The following POFUT3 variants were observed in gnomAD, a reference collection of about 807,000 sequenced individuals.
POFUT3 encodes GDP-fucose protein O-fucosyltransferase 3.
At chr8:33,327,758 G>A in the POFUT3 span, among the ~76,000 whole-genome samples, 2 of 152,220 alleles carry the variant, frequency 1.3e-5, no homozygotes, top group African/African-American at 4.8e-5. Flanking sequence ...TTTTGCAGAT[G>A]AAGCACATTT....
chr8:33,353,814 C>T, the POFUT3 span, among the ~76,000 whole-genome samples: 5 of 152,184 alleles, frequency 3.3e-5, no homozygotes, highest in Admixed American at 6.5e-5. Context: ...TCTCCTGATT[C>T]TGTCCCAAAA....
chr8:33,309,671 A>G, the POFUT3 span, among the ~76,000 whole-genome samples: 5 of 152,116 alleles, frequency 3.3e-5, no homozygotes, highest in East Asian at 1.9e-4. Context: ...ATCATCATCA[A>G]TTGTTCCCAG....
At chr8:33,455,898 A>C in the POFUT3 span, 2 of 375,426 alleles carry the variant, frequency 5.3e-6, no homozygotes, top group Non-Finnish European at 1.0e-5. Flanking sequence ...TCCAAGGCCA[A>C]AAAAGAAAAA....
At chr8:33,420,206 CTG>C in the POFUT3 span, among the ~76,000 whole-genome samples, 12 of 151,960 alleles carry the variant, frequency 7.9e-5, 1 homozygote, top group Admixed American at 6.6e-5. Flanking sequence ...TAATGGAACA[CTG>C]TTAAAATAAA....
At chr8:33,420,029 G>T in the POFUT3 span, among the ~76,000 whole-genome samples, 1 of 152,114 alleles carries the variant, frequency 6.6e-6, no homozygotes, top group Non-Finnish European at 1.5e-5. Flanking sequence ...TCTCGAGGCT[G>T]AGGTGGGAGG....
chr8:33,425,384 A>G, the POFUT3 span, among the ~76,000 whole-genome samples: 4 of 152,156 alleles, frequency 2.6e-5, no homozygotes, highest in Non-Finnish European at 5.9e-5. Flanking sequence ...ATGAGAGCCT[A>G]TAATACAGAA....
At chr8:33,406,845 C>T in the POFUT3 span, among the ~76,000 whole-genome samples, 15 of 152,232 alleles carry the variant, frequency 9.9e-5, no homozygotes, top group African/African-American at 3.1e-4. Context: ...CAGGCATGAG[C>T]CACTGTCCCT....
the POFUT3 span, among the ~76,000 whole-genome samples, chr8:33,341,939 T>A: frequency 6.6e-6 from 1 of 152,196 alleles, no homozygotes; most frequent in South Asian, 2.1e-4. Context: ...ATGCCTGTAA[T>A]CCCAGCATTT....
the POFUT3 span, among the ~76,000 whole-genome samples, chr8:33,411,279 C>T: frequency 2.2e-3 from 335 of 152,258 alleles, 2 homozygotes; most frequent in Non-Finnish European, 3.7e-3. Context: ...ACGCTGAAGT[C>T]GTTTTAATCC....
the POFUT3 span, among the ~76,000 whole-genome samples, chr8:33,329,443 A>G: frequency 0.27 from 40,497 of 152,148 alleles, 5,811 homozygotes; most frequent in South Asian, 0.5. Context: ...TGTTACCTTT[A>G]TGCAGGAGCT....
At chr8:33,325,201 T>C in the POFUT3 span, among the ~76,000 whole-genome samples, 1 of 152,138 alleles carries the variant, frequency 6.6e-6, no homozygotes, top group South Asian at 2.1e-4. Flanking sequence ...ACTACCACAC[T>C]TTTCACTATC....
At chr8:33,449,415 G>C in the POFUT3 span, among the ~76,000 whole-genome samples, 1 of 148,102 alleles carries the variant, frequency 6.8e-6, no homozygotes, top group Non-Finnish European at 1.5e-5. Flanking sequence ...TCAGCCTACT[G>C]AGTAGCTGGG....
chr8:33,397,002 T>C, the POFUT3 span, among the ~76,000 whole-genome samples: 2 of 152,206 alleles, frequency 1.3e-5, no homozygotes, highest in Admixed American at 6.5e-5. Flanking sequence ...AATATGACTA[T>C]TGTAGGAATA....
chr8:33,324,093 G>C, the POFUT3 span, among the ~76,000 whole-genome samples: 2 of 152,134 alleles, frequency 1.3e-5, no homozygotes, highest in East Asian at 3.9e-4. Context: ...GATGTCCATA[G>C]ACTCCCCAGA....
At chr8:33,328,080 A>G in the POFUT3 span, among the ~76,000 whole-genome samples, 4 of 152,190 alleles carry the variant, frequency 2.6e-5, no homozygotes, top group Non-Finnish European at 5.9e-5. Context: ...TTTCTGGGAA[A>G]AGTAGTGATC....
At chr8:33,362,605 A>C in the POFUT3 span, among the ~76,000 whole-genome samples, 2 of 151,936 alleles carry the variant, frequency 1.3e-5, no homozygotes, top group African/African-American at 4.8e-5. Flanking sequence ...AAAAAAAAAA[A>C]CCAGGGGTTG....
chr8:33,385,593 G>A, the POFUT3 span, among the ~76,000 whole-genome samples: 3 of 152,148 alleles, frequency 2.0e-5, no homozygotes, highest in Non-Finnish European at 4.4e-5. Context: ...GGCCAAGAGT[G>A]AAGGAAGGCA....
At chr8:33,469,438 T>A in the POFUT3 span, among the ~76,000 whole-genome samples, 2 of 152,226 alleles carry the variant, frequency 1.3e-5, no homozygotes, top group Non-Finnish European at 2.9e-5. Flanking sequence ...GATTTCTATG[T>A]GGGAAAGTCA....
At chr8:33,417,294 T>G in the POFUT3 span, among the ~76,000 whole-genome samples, 6 of 152,192 alleles carry the variant, frequency 3.9e-5, no homozygotes, top group Non-Finnish European at 7.3e-5. Flanking sequence ...TGATTCTACA[T>G]TATGGTGAGT....
Sources: gnomAD v4.1 joint callset for allele counts (sites outside exome capture counted in the v4.1 genomes callset) on GRCh38, gnomAD v4.1.1 for gene constraint, MANE v1.5 for transcripts, NCBI Gene and HGNC (gene_info 2026-07-23, HGNC 2026-07-21) for gene names.